PML: variants seen among roughly 807,000 people sequenced by gnomAD.
PML encodes protein PML.
PML carries 28 observed loss-of-function variants against 65.2 expected under a neutral mutation model. That is an observed-to-expected ratio of 0.43 (90% CI 0.32 to 0.59). The LOEUF is 0.59. PML is among the 20% of genes least tolerant of loss of function. The pLI is 0.08. For missense variants in PML, 1,021 were observed against 1,203.4 expected, an observed-to-expected ratio of 0.85 and a Z score of 2.24; for synonymous variants, 500 against 508.8, an observed-to-expected ratio of 0.98 and a Z score of 0.23.
In PML at chr15:73,998,227, T is replaced by G; in HGVS notation, c.353T>G (p.Val118Gly). Residue 118 changes from valine to glycine, a missense_variant, in exon 2 of 9, where the codon GTG becomes GGG. Coordinates refer to ENST00000268058, the MANE Select transcript of PML (RefSeq NM_033238.3). The part of the protein sequence containing the change: ...FFESLQRRLS[V>G]YRQIVDAQAV... ...GAGAGTCTGCAGCGGCGCCTGTCGG[T>G]GTACCGGCAGATTGTGGATGCGCAG... 1 of 1,614,202 alleles carries G rather than the reference T, an allele frequency of 6.2e-7. No individual in the cohort carries two copies. The highest frequency in any genetic ancestry group is 8.5e-7 in the Non-Finnish European group (1 of 1,180,026).
intron 6 of PML, chr15:74,033,745 C>T: frequency 1.7e-6 from 1 of 603,046 alleles, no homozygotes; most frequent in Non-Finnish European, 3.0e-6. Flanking sequence ...CCAGAGAGGG[C>T]TTGGGCATAC....
chr15:74,022,329 T>G (rs1315695515), intron 2 of PML, among the ~76,000 whole-genome samples: 1 of 152,258 alleles, frequency 6.6e-6, no homozygotes. Context: ...GTCAATCATT[T>G]AACATGTTCT....
At chr15:73,995,930 T>G (rs533836893) in intron 1 of PML, among the ~76,000 whole-genome samples, 1 of 152,216 alleles carries the variant, frequency 6.6e-6, no homozygotes, top group East Asian at 1.9e-4. Context: ...TTTTTTATAT[T>G]TTTAGTAGAG....
intron 2 of PML, among the ~76,000 whole-genome samples, chr15:74,004,184 A>T (rs1379027026): frequency 7.9e-5 from 12 of 152,174 alleles, no homozygotes; most frequent in Non-Finnish European, 4.4e-5. Flanking sequence ...ATCAGAGTTC[A>T]CTGCAGCCTC....
intron 4 of PML, chr15:74,027,629 A>G (rs11636065): frequency 0.55 from 83,808 of 152,152 alleles, 23,315 homozygotes; most frequent in East Asian, 0.63. Flanking sequence ...TGTCTTCCAG[A>G]TGCTAGTCAT....
At position 74,045,019 on chromosome 15, in the gene PML, T is replaced by C; in HGVS notation, c.*11T>C. The C allele has an allele frequency of 6.3e-7, 1 of 1,587,052 alleles. No individual in the cohort carries two copies. Among genetic ancestry groups the C allele is most frequent in the Non-Finnish European group, 8.5e-7 (1 of 1,170,790 alleles). ...TCCCAGCAGAGCTGAGAGGAGGGGG[T>C]GACCAGCTTGGAGTCTCTGGTGGGC... On this transcript the variant is annotated 3_prime_UTR_variant, in exon 9 of 9. Coordinates refer to ENST00000268058, the MANE Select transcript of PML (RefSeq NM_033238.3).
At chr15:74,024,592 A>C (rs1047367272) in intron 3 of PML, among the ~76,000 whole-genome samples, 1 of 152,192 alleles carries the variant, frequency 6.6e-6, no homozygotes, top group Non-Finnish European at 1.5e-5. Context: ...TCAGAGATGG[A>C]GAGAGGTACA....
intron 1 of PML, among the ~76,000 whole-genome samples, chr15:73,997,580 T>C (rs2069567452): frequency 6.6e-6 from 1 of 152,214 alleles, no homozygotes; most frequent in Admixed American, 6.5e-5. Context: ...TTGGGCCTTG[T>C]TTTTACATCT....
intron 2 of PML, among the ~76,000 whole-genome samples, chr15:74,004,146 G>A (rs1329220847): frequency 6.6e-6 from 1 of 152,064 alleles, no homozygotes; most frequent in Non-Finnish European, 1.5e-5. Flanking sequence ...GTCTCACTCT[G>A]TCACCCAGGT....
rs750535595 is a variant in PML at position 74,035,101 on chromosome 15, G to C, written c.1710+571G>C. 5 of 1,180,230 alleles carry C rather than the reference G, an allele frequency of 4.2e-6. No individual in the cohort carries two copies. The highest frequency in any genetic ancestry group is 6.3e-6 in the Non-Finnish European group (5 of 791,128). The allele number at this position is 1,180,230 out of a possible 1,614,324, so 73.1% of individuals were successfully genotyped here. On this transcript the variant is annotated intron_variant, in intron 7 of 8. Coordinates refer to ENST00000268058, the MANE Select transcript of PML (RefSeq NM_033238.3). This position sits in a 1 kb window ranked among gnomAD's most constrained non-coding sequence, Gnocchi z 4.1. ...TCCAGGGGAAAAGGGGATCTGAATA[G>C]AGTGAAAGGTTGGACTGGGTGGCCC...
At chr15:74,036,020 C>T in intron 7 of PML, 1 of 1,614,110 alleles carries the variant, frequency 6.2e-7, no homozygotes, top group Non-Finnish European at 8.5e-7. Context: ...CCTCCTCCAG[C>T]CCATGCTCTT....
Position 73,994,813 on chromosome 15 carries a change from A to ATGGAGCC in PML, c.4_10dup (p.Ala4?). The ATGGAGCC allele has an allele frequency of 6.4e-7, 1 of 1,554,678 alleles. No homozygotes were observed. The highest frequency in any genetic ancestry group is 8.7e-7 in the Non-Finnish European group (1 of 1,148,912). On this transcript the variant is annotated frameshift_variant and start_lost, in exon 1 of 9. Transcript: ENST00000268058. LOFTEE classifies it high-confidence loss of function. ...GAGAATCGAAACTAAGCTGGGGTCCATGGAGCCTGCACCCGCCCGATCTCC... is the reference window on the plus strand; with the variant it reads ...GAGAATCGAAACTAAGCTGGGGTCCATGGAGCCTGGAGCCTGCACCCGCCCGATCTCC...
chr15:74,032,124 G>C (rs895180636), intron 4 of PML, among the ~76,000 whole-genome samples: 12 of 152,164 alleles, frequency 7.9e-5, no homozygotes, highest in Admixed American at 4.6e-4. Context: ...TGTCTAAGTA[G>C]GGCTAATTAC....
At chr15:74,038,695 G>A (rs553527069) in intron 7 of PML, among the ~76,000 whole-genome samples, 6 of 152,110 alleles carry the variant, frequency 3.9e-5, no homozygotes, top group South Asian at 4.2e-4. Flanking sequence ...AGGTGATCCC[G>A]GCTCCCACCT....
At position 74,033,319 on chromosome 15, in the gene PML, A is replaced by C. The variant is rs1166540601; in HGVS notation, c.1562A>C (p.His521Pro). The C allele has an allele frequency of 4.3e-6, 7 of 1,614,024 alleles. No homozygotes were observed. The highest frequency in any genetic ancestry group is 3.3e-5 in the Admixed American group (2 of 60,002). ...ACCTCCAAGGCAGTCTCACCACCCC[A>C]CCTGGATGGACCGCCTAGCCCCAGG... Reference protein sequence around the residue: ...PSTSKAVSPPHLDGPPSPRSP... With the variant: ...PSTSKAVSPPPLDGPPSPRSP... Residue 521 changes from histidine to proline, a missense_variant, in exon 6 of 9, where the codon CAC (histidine) becomes CCC (proline). Physicochemically the swap from His to Pro is moderately conservative, Grantham distance 77. Coordinates refer to ENST00000268058, the MANE Select transcript of PML (RefSeq NM_033238.3).
At chr15:74,009,024 G>A (rs2141764330) in intron 2 of PML, among the ~76,000 whole-genome samples, 1 of 152,280 alleles carries the variant, frequency 6.6e-6, no homozygotes, top group East Asian at 1.9e-4. Context: ...GTCCAGGTGG[G>A]GGTGAGGCCT....
chr15:73,998,167 G>A lies in PML; in HGVS notation c.293G>A (p.Gly98Asp), dbSNP rs936181106. 1 of 1,614,218 alleles carries A rather than the reference G, an allele frequency of 6.2e-7. No homozygotes were observed. ...CPICQAPWPLGADTPALDNVF... is the reference protein window; with the variant it reads ...CPICQAPWPLDADTPALDNVF... ...ATCTGCCAGGCGCCCTGGCCCCTAG[G>A]TGCAGACACACCCGCCCTGGATAAC... Residue 98 changes from glycine to aspartate, a missense_variant, in exon 2 of 9, where the codon GGT becomes GAT. Physicochemically the swap from Gly to Asp is moderately conservative, Grantham distance 94. Transcript: ENST00000268058.
In PML at chr15:73,994,812, C is replaced by T. The variant is rs1404352473; in HGVS notation, c.-1C>T. ...CGAGAATCGAAACTAAGCTGGGGTC[C>T]ATGGAGCCTGCACCCGCCCGATCTC... On this transcript the variant is annotated 5_prime_UTR_variant, in exon 1 of 9. Coordinates refer to ENST00000268058, the MANE Select transcript of PML (RefSeq NM_033238.3). 1.9e-6 allele frequency: 3 copies of T among 1,554,396 alleles called. No individual in the cohort carries two copies. Among genetic ancestry groups the T allele is most frequent in the Non-Finnish European group, 2.6e-6 (3 of 1,148,798 alleles).
At position 74,042,652 on chromosome 15, in the gene PML, G is replaced by T; in HGVS notation, c.1711-337G>T. 3 of 985,380 alleles carry T rather than the reference G, an allele frequency of 3.0e-6. No individual in the cohort carries two copies. Among genetic ancestry groups the T allele is most frequent in the Non-Finnish European group, 3.6e-6 (3 of 829,924 alleles). The allele number at this position is 985,380 out of a possible 1,614,324, so 61.0% of individuals were successfully genotyped here. On this transcript the variant is annotated intron_variant, in intron 7 of 8. Transcript: ENST00000268058. This position sits in a 1 kb window ranked among gnomAD's most constrained non-coding sequence, Gnocchi z 5.3. ...ACTTTCATACACTTGTGTCAACGCA[G>T]GTTCACAGCTCACACTTAACTGTGC...
Sources: allele counts gnomAD v4.1 joint callset (sites outside exome capture counted in the v4.1 genomes callset), GRCh38; gene constraint gnomAD v4.1.1; non-coding constraint Gnocchi (gnomAD v3.1); transcripts MANE v1.5; gene names NCBI Gene and HGNC (gene_info 2026-07-23, HGNC 2026-07-21).